DMXL1: variants seen among roughly 807,000 people sequenced by gnomAD.
DMXL1 encodes dmX-like protein 1.
Under a neutral mutation model 319.2 loss-of-function variants are expected in DMXL1, and 99 were observed. That is an observed-to-expected ratio of 0.31 (90% CI 0.26 to 0.37). The LOEUF is 0.37. DMXL1 is among the 10% of genes least tolerant of loss of function. DMXL1 has a pLI of 1.00. For missense variants in DMXL1, 3,745 were observed against 3,595.6 expected (o/e 1.04, Z -1.06); for synonymous variants, 1,385 against 1,235.2 (o/e 1.12, Z -2.54).
At chr5:119,116,050 C>A in intron 6 of DMXL1, 108 bp from the exon 7 acceptor site, 1 of 995,010 alleles carries the variant, frequency 1.0e-6, no homozygotes, top group South Asian at 1.8e-5. Flanking sequence ...AACGTCTCTT[C>A]CCATCCCCAA....
chr5:119,171,815 A>C lies in DMXL1; in HGVS notation c.6527A>C (p.Glu2176Ala). 6.2e-7 allele frequency: 1 copy of C among 1,613,592 alleles called. No homozygotes were observed. Among genetic ancestry groups the C allele is most frequent in the Non-Finnish European group, 8.5e-7 (1 of 1,179,738 alleles). ...CCACTATTTTCTAGCCCTCTGTCAG[A>C]GCAAACCTCAGTGCCTCTCCTCTTT... is the stretch of plus-strand genomic sequence containing the variant. ...SEPLFSSPLS[E>A]QTSVPLLFAC... The change falls in exon 25 of 44, where the codon GAG becomes GCG. Residue 2176 changes from glutamate to alanine, a missense_variant. Physicochemically the swap from Glu to Ala is moderately radical, Grantham distance 107. Around this residue, in one of 4 missense-constraint regions of DMXL1, gnomAD observed 1,382 missense variants for 1,269.5 expected, o/e 1.09. Coordinates refer to ENST00000539542, the MANE Select transcript of DMXL1 (RefSeq NM_001290321.3).
intron 5 of DMXL1, among the ~76,000 whole-genome samples, chr5:119,112,416 A>G (rs542942522): frequency 3.6e-4 from 55 of 152,210 alleles, no homozygotes; most frequent in Non-Finnish European, 7.2e-4. Context: ...GAATATTGCT[A>G]TGAACAGATA....
chr5:119,086,802 A>C (rs574364530), intron 1 of DMXL1, among the ~76,000 whole-genome samples: 1 of 151,014 alleles, frequency 6.6e-6, no homozygotes, highest in Non-Finnish European at 1.5e-5. Flanking sequence ...TAAATGTTTG[A>C]TAGAATTCAG....
At chr5:119,152,117 C>A in intron 19 of DMXL1, 81 bp downstream of exon 19, 1 of 886,510 alleles carries the variant, frequency 1.1e-6, no homozygotes. Flanking sequence ...CTTGTTTTTA[C>A]CCAAAAATGA....
chr5:119,102,908 A>G (rs1757565473), intron 3 of DMXL1, among the ~76,000 whole-genome samples: 1 of 152,138 alleles, frequency 6.6e-6, no homozygotes, highest in Non-Finnish European at 1.5e-5. Flanking sequence ...AACAACAGAC[A>G]CTGAGGTCTA....
chr5:119,149,222 T>A lies in DMXL1; in HGVS notation c.3395T>A (p.Ile1132Asn). ...ATGTATTTATCTAGTAAAGAGAATA[T>A]CACATCAAACACAAAGCATTTAGTT... is the stretch of plus-strand genomic sequence containing the variant. ...QDMYLSSKEN[I>N]TSNTKHLVHL... Residue 1132 changes from isoleucine (I) to asparagine (N), a missense_variant, in exon 18 of 44, where the codon ATC becomes AAC. By Grantham distance (149) the Ile-to-Asn change is moderately radical. Coordinates refer to ENST00000539542, the MANE Select transcript of DMXL1 (RefSeq NM_001290321.3). 2.5e-6 allele frequency: 4 copies of A among 1,613,912 alleles called. No individual in the cohort carries two copies. The highest frequency in any genetic ancestry group is 3.4e-6 in the Non-Finnish European group (4 of 1,179,878).
At chr5:119,100,848 C>T (rs994935735) in intron 2 of DMXL1, among the ~76,000 whole-genome samples, 4 of 134,366 alleles carry the variant, frequency 3.0e-5, no homozygotes, top group Non-Finnish European at 6.1e-5. Context: ...GGCGTGAACT[C>T]GGCTCACTGC....
At position 119,130,639 on chromosome 5, in the gene DMXL1, G is replaced by A. The variant is rs1393493180; in HGVS notation, c.1315+1216G>A. On this transcript the variant is annotated intron_variant, in intron 10 of 43. Coordinates refer to ENST00000539542, the MANE Select transcript of DMXL1 (RefSeq NM_001290321.3). ...ATTACAGGCGTGAGACACCATGCTC[G>A]GCCTGTGCTTTGTTTTAATTCAGTC... Among the ~76,000 whole-genome samples the A allele has an allele frequency of 3.3e-5, 5 of 152,104 alleles. No individual in the cohort carries two copies. The South Asian group carries it at 6.2e-4, about 19-fold the overall frequency.
intron 4 of DMXL1, 82 bp from the exon 5 acceptor site, chr5:119,110,069 G>A: frequency 7.7e-7 from 1 of 1,295,486 alleles, no homozygotes. Context: ...TTTAGAAGTT[G>A]TTTTATATGA....
chr5:119,226,823 T>A (rs995889896), intron 38 of DMXL1, among the ~76,000 whole-genome samples: 45 of 152,202 alleles, frequency 3.0e-4, no homozygotes, highest in African/African-American at 8.2e-4. Flanking sequence ...GAAAATGCTT[T>A]ACTTACATTT....
intron 26 of DMXL1, 34 bp downstream of exon 26, chr5:119,175,371 A>G: frequency 2.0e-6 from 3 of 1,469,898 alleles, no homozygotes; most frequent in South Asian, 1.2e-5. Context: ...AAGAATGCTT[A>G]CAGTAAGCAA....
intron 38 of DMXL1, among the ~76,000 whole-genome samples, chr5:119,226,285 A>T (rs376148407): frequency 6.6e-6 from 1 of 152,070 alleles, no homozygotes; most frequent in African/African-American, 2.4e-5. Flanking sequence ...TCATGTCACA[A>T]ACAAGTCCCA....
intron 1 of DMXL1, among the ~76,000 whole-genome samples, chr5:119,084,985 T>G (rs1753038089): frequency 6.6e-6 from 1 of 152,166 alleles, no homozygotes; most frequent in Admixed American, 6.5e-5. Context: ...ATCAATTTCT[T>G]TCATCAGAGT....
chr5:119,217,076 C>A (rs893745468), intron 35 of DMXL1, 89 bp downstream of exon 35: 1 of 719,518 alleles, frequency 1.4e-6, no homozygotes, highest in Non-Finnish European at 2.2e-6. Context: ...GTATTTCTTT[C>A]CCAAAGCTGC....
At chr5:119,173,942 A>G (rs1775270659) in intron 25 of DMXL1, among the ~76,000 whole-genome samples, 1 of 150,684 alleles carries the variant, frequency 6.6e-6, no homozygotes, top group Non-Finnish European at 1.5e-5. Flanking sequence ...GAACCAGGAG[A>G]GCTATAATTT....
intron 10 of DMXL1, chr5:119,132,799 G>A: frequency 1.8e-6 from 1 of 549,208 alleles, no homozygotes; most frequent in South Asian, 1.4e-5. Context: ...CTTGGTAGGT[G>A]TTATGGTAAC....
Position 119,149,785 on chromosome 5 carries a change from C to G in DMXL1, c.3958C>G (p.Pro1320Ala). Residue 1320 changes from proline to alanine, a missense_variant, in exon 18 of 44, where the codon CCG becomes GCG. This residue lies in a region of DMXL1 where 2,096 missense variants were observed against 1,985.4 expected (regional missense o/e 1.06). Transcript: ENST00000539542. ...TTTTGAAGCAGCTCATGTACTTTCC[C>G]CGACTCTACCTCAGTATCATCCCTT... ...GLFEAAHVLS[P>A]TLPQYHPLQL... 6.2e-7 allele frequency: 1 copy of G among 1,613,936 alleles called. No homozygotes were observed. The highest frequency in any genetic ancestry group is 1.1e-5 in the South Asian group (1 of 91,070).
chr5:119,231,968 TTTTTTTTAAGA>T (rs919908565), intron 38 of DMXL1, among the ~76,000 whole-genome samples: 34 of 152,088 alleles, frequency 2.2e-4, no homozygotes, highest in African/African-American at 7.7e-4. Flanking sequence ...AATTAATTTC[TTTTTTTTAAGA>T]TTTTTTTAAG....
chr5:119,246,603 A>AATTTTT (rs1215147787), intron 43 of DMXL1, among the ~76,000 whole-genome samples: 1 of 150,998 alleles, frequency 6.6e-6, no homozygotes, highest in Admixed American at 6.6e-5. Context: ...GCAGGCCTAA[A>AATTTTT]ATTTTTATTT....
Sources: gnomAD v4.1 joint callset for allele counts (sites outside exome capture counted in the v4.1 genomes callset) on GRCh38, gnomAD v4.1.1 for gene constraint, gnomAD v4.1.1 regional missense constraint, MANE v1.5 for transcripts, NCBI Gene and HGNC (gene_info 2026-07-23, HGNC 2026-07-21) for gene names.